Variants in TJP1 observed in about 807,000 individuals in gnomAD.
TJP1 encodes tight junction protein 1, also known as tight junction protein ZO-1.
Under a neutral mutation model 194.2 loss-of-function variants are expected in TJP1, and 43 were observed. The observed-to-expected ratio is 0.22, with a 90% CI of 0.17 to 0.29. TJP1 has a LOEUF of 0.29. TJP1 is among the 10% of genes least tolerant of loss of function. The pLI is 1.00. For synonymous variants in TJP1, 801 were observed against 779.0 expected (o/e 1.03, Z -0.47); for missense variants, 1,971 against 2,185.7 (o/e 0.90, Z 1.96).
At chr15:29,776,821 G>C (rs1483789572) in intron 2 of TJP1, among the ~76,000 whole-genome samples, 2 of 152,092 alleles carry the variant, frequency 1.3e-5, no homozygotes, top group African/African-American at 4.8e-5. Context: ...CTGAGCTTAT[G>C]GTGGCAGATA....
intron 2 of TJP1, among the ~76,000 whole-genome samples, chr15:29,864,715 A>G (rs785441): frequency 0.37 from 56,617 of 151,862 alleles, 11,199 homozygotes; most frequent in African/African-American, 0.5. Flanking sequence ...TGGCAGGAAC[A>G]GGCTTCCAGT....
chr15:29,777,033 C>G (rs922694116), intron 2 of TJP1, among the ~76,000 whole-genome samples: 2 of 152,090 alleles, frequency 1.3e-5, no homozygotes, highest in Non-Finnish European at 2.9e-5. Flanking sequence ...TTCCACCCCC[C>G]CCACTCAATA....
intron 23 of TJP1, among the ~76,000 whole-genome samples, chr15:29,714,256 T>C (rs1238934150): frequency 1.3e-5 from 2 of 152,308 alleles, no homozygotes; most frequent in East Asian, 1.9e-4. Context: ...CTTTTTTTTT[T>C]TGAGATGAGT....
chr15:29,936,427 T>C (rs2054884424), intron 2 of TJP1, among the ~76,000 whole-genome samples: 1 of 152,172 alleles, frequency 6.6e-6, no homozygotes, highest in Admixed American at 6.5e-5. Context: ...ATTGTGCTCA[T>C]TCCTTGTTTC....
intron 25 of TJP1, 108 bp downstream of exon 25, chr15:29,708,451 A>C: frequency 1.1e-6 from 1 of 884,652 alleles, no homozygotes. Context: ...TTCAGTTTAA[A>C]GGTTGAGTTA....
In TJP1 at chr15:29,709,104, A is replaced by C. The variant is rs2042085087; in HGVS notation, c.4373-68T>G. The C allele has an allele frequency of 1.0e-5, 15 of 1,462,484 alleles. No homozygotes were observed. In the East Asian group the frequency reaches 3.4e-4, roughly 33 times the overall value. The allele number at this position is 1,462,484 out of a possible 1,614,324, so 90.6% of individuals were successfully genotyped here. A position where few individuals can be genotyped will look rare whatever the true frequency, so the allele number is the denominator to read the frequency against. On this transcript the variant is annotated intron_variant, in intron 24 of 27. Transcript: ENST00000614355. ...GTTATAATAGCCCTGTCCCAGCTTAACTTGTCCTGGTGCTGGAGTCGAGGC... is the reference window on the plus strand; with the variant it reads ...GTTATAATAGCCCTGTCCCAGCTTACCTTGTCCTGGTGCTGGAGTCGAGGC...
In TJP1 at chr15:29,799,195, AT is replaced by A. The variant is rs1013949346; in HGVS notation, c.84+1450del. Among the ~76,000 whole-genome samples the A allele has an allele frequency of 2.0e-5, 3 of 152,278 alleles. No individual in the cohort carries two copies. In the East Asian group the frequency reaches 5.8e-4, roughly 29 times the overall value. On this transcript the variant is annotated intron_variant, in intron 2 of 27. Transcript: ENST00000614355. ...AAATAAATGTAATATGATAAAAAAA[AT>A]ACCAAATCATTGACATCGCCACTAG...
chr15:29,745,280 G>A (rs752308849), intron 8 of TJP1, among the ~76,000 whole-genome samples: 3 of 135,426 alleles, frequency 2.2e-5, no homozygotes, highest in Admixed American at 7.9e-5. Flanking sequence ...GTATAATCAC[G>A]AGCTAATGGT....
chr15:29,927,660 T>C (rs1456285455), intron 2 of TJP1, among the ~76,000 whole-genome samples: 1 of 152,118 alleles, frequency 6.6e-6, no homozygotes, highest in Non-Finnish European at 1.5e-5. Flanking sequence ...CAAGCCAAGA[T>C]ACTGGAAGAA....
intron 2 of TJP1, among the ~76,000 whole-genome samples, chr15:29,900,074 T>A (rs1162266680): frequency 1.3e-5 from 2 of 151,806 alleles, no homozygotes; most frequent in Non-Finnish European, 2.9e-5. Context: ...GGTGGGGGGA[T>A]GGCAAATGTG....
chr15:29,868,477 GCTCA>G (rs2152113936), intron 2 of TJP1, among the ~76,000 whole-genome samples: 1 of 152,216 alleles, frequency 6.6e-6, no homozygotes, highest in South Asian at 2.1e-4. Flanking sequence ...CCAAGGCTAA[GCTCA>G]CTATAATATA....
At chr15:29,706,518 C>T (rs1035878215) in intron 25 of TJP1, among the ~76,000 whole-genome samples, 8 of 152,020 alleles carry the variant, frequency 5.3e-5, no homozygotes, top group African/African-American at 1.9e-4. Flanking sequence ...CAAAAAAACC[C>T]AAGATATGAG....
chr15:29,744,850 A>C (rs1459877069), intron 8 of TJP1, among the ~76,000 whole-genome samples: 1 of 152,232 alleles, frequency 6.6e-6, no homozygotes, highest in Non-Finnish European at 1.5e-5. Context: ...TGATGACAAG[A>C]GTACAAAGAG....
chr15:29,929,678 C>T (rs1329504534), intron 2 of TJP1, among the ~76,000 whole-genome samples: 1 of 151,816 alleles, frequency 6.6e-6, no homozygotes, highest in Non-Finnish European at 1.5e-5. Flanking sequence ...GCCTGGGTGA[C>T]AGGGCGAAAC....
chr15:29,717,894 T>C, intron 22 of TJP1, 127 bp downstream of exon 22: 1 of 735,860 alleles, frequency 1.4e-6, no homozygotes, highest in Non-Finnish European at 2.2e-6. Context: ...CTGATAGTTT[T>C]TATTTAAGGA....
At chr15:29,799,721 A>G (rs573514409) in intron 2 of TJP1, among the ~76,000 whole-genome samples, 15 of 152,248 alleles carry the variant, frequency 9.9e-5, no homozygotes, top group Non-Finnish European at 1.9e-4. Context: ...AGCCAAAAAC[A>G]ACTATTTTTT....
In TJP1 at chr15:29,719,503, G is replaced by A. The variant is rs45595944; in HGVS notation, c.3003+274C>T. Among the ~76,000 whole-genome samples, 50 of 152,140 alleles carry A rather than the reference G, an allele frequency of 3.3e-4. 1 individual carries two copies. The Middle Eastern group carries it at 0.017, about 52-fold the overall frequency. ...CATAAATATGTTTATGATGGGTTTC[G>A]ATTACATATTAAGGAATTCTGGAAG... On this transcript the variant is annotated intron_variant, in intron 20 of 27. Transcript: ENST00000614355.
intron 15 of TJP1, chr15:29,731,988 G>A (rs1324986176): frequency 6.0e-6 from 1 of 167,498 alleles, no homozygotes; most frequent in Non-Finnish European, 1.3e-5. Context: ...TCAGTTTAAT[G>A]ACTAAAAGAG....
At chr15:29,838,961 A>G (rs935732618) in intron 2 of TJP1, among the ~76,000 whole-genome samples, 1 of 138,430 alleles carries the variant, frequency 7.2e-6, no homozygotes, top group Non-Finnish European at 1.6e-5. Flanking sequence ...CTTCCTTTTT[A>G]TCAGAATAGT....
Sources: allele counts gnomAD v4.1 joint callset (sites outside exome capture counted in the v4.1 genomes callset), GRCh38; gene constraint gnomAD v4.1.1; transcripts MANE v1.5; gene names NCBI Gene and HGNC (gene_info 2026-07-23, HGNC 2026-07-21).